Variants in HPS6 observed in about 807,000 individuals in gnomAD.
HPS6 encodes the protein HPS6 biogenesis of lysosomal organelles complex 2 subunit 3, also known as BLOC-2 complex member HPS6.
HPS6 carries 46 observed loss-of-function variants against 53.6 expected under a neutral mutation model. That is an observed-to-expected ratio of 0.86 (90% CI 0.68 to 1.10). The LOEUF is 1.10. HPS6 is among the 50% of genes least tolerant of loss of function. The pLI is 0.00. For synonymous variants in HPS6, 535 were observed against 470.8 expected, an observed-to-expected ratio of 1.14 and a Z score of -1.77; for missense variants, 1,034 against 991.3, an observed-to-expected ratio of 1.04 and a Z score of -0.58.
In HPS6 at chr10:102,066,101, G is replaced by T; in HGVS notation, c.627G>T (p.Trp209Cys). 6.2e-7 allele frequency: 1 copy of T among 1,613,432 alleles called. No homozygotes were observed. Residue 209 changes from tryptophan to cysteine, a missense_variant, in exon 1 of 1, where the codon TGG (tryptophan) becomes TGT (cysteine). Physicochemically the swap from Trp to Cys is radical, Grantham distance 215. Coordinates refer to ENST00000299238, the MANE Select transcript of HPS6 (RefSeq NM_024747.6). ...QLFLVPTATT[W>C]PGVAHVLLIW... is the part of the protein sequence containing the mutation. Reference sequence around the variant, plus strand: ...TCCTGGTGCCCACTGCCACCACCTGGCCTGGCGTGGCCCACGTTCTACTCA... The same window carrying T: ...TCCTGGTGCCCACTGCCACCACCTGTCCTGGCGTGGCCCACGTTCTACTCA...
chr10:102,067,059 C>T lies in HPS6; in HGVS notation c.1585C>T (p.Leu529=), dbSNP rs966933951. Reference sequence around the variant, plus strand: ...CACCCTCAGGGCCCTGCAGCTCCAGCTAGATGGGAATGGCAAGCTGAGGTC... The same window carrying T: ...CACCCTCAGGGCCCTGCAGCTCCAGTTAGATGGGAATGGCAAGCTGAGGTC... The part of the protein sequence containing the change: ...GATLRALQLQ[L]DGNGKLRSQA... Residue 529 remains leucine (L), a synonymous_variant, in exon 1 of 1, where the codon CTA becomes TTA. Coordinates refer to ENST00000299238, the MANE Select transcript of HPS6 (RefSeq NM_024747.6). The T allele has an allele frequency of 6.2e-7, 1 of 1,614,094 alleles. No individual in the cohort carries two copies. Among genetic ancestry groups the T allele is most frequent in the African/African-American group, 1.3e-5 (1 of 74,936 alleles).
Position 102,067,164 on chromosome 10 carries a change from C to G in HPS6, c.1690C>G (p.Pro564Ala). Residue 564 changes from proline (P) to alanine (A), a missense_variant, in exon 1 of 1, where the codon CCC (proline) becomes GCC (alanine). Physicochemically the swap from Pro to Ala is conservative, Grantham distance 27. Coordinates refer to ENST00000299238, the MANE Select transcript of HPS6 (RefSeq NM_024747.6). Reference sequence around the variant, plus strand: ...GGAACCCCCCAATGGAATACTGCCCCCCTTTGAACTCCTGTGCCAGTGTCT... The same window carrying G: ...GGAACCCCCCAATGGAATACTGCCCGCCTTTGAACTCCTGTGCCAGTGTCT... The part of the protein sequence containing the change: ...GKEPPNGILP[P>A]FELLCQCLCQ... The G allele has an allele frequency of 6.2e-7, 1 of 1,613,648 alleles. No homozygotes were observed. The highest frequency in any genetic ancestry group is 2.2e-5 in the East Asian group (1 of 44,882).
Position 102,066,001 on chromosome 10 carries a change from C to G in HPS6, c.527C>G (p.Thr176Ser). 6.2e-7 allele frequency: 1 copy of G among 1,602,782 alleles called. No homozygotes were observed. Among genetic ancestry groups the G allele is most frequent in the Non-Finnish European group, 8.5e-7 (1 of 1,179,854 alleles). The change falls in exon 1 of 1, where the codon ACC becomes AGC. Residue 176 changes from threonine to serine, a missense_variant. Physicochemically the swap from Thr to Ser is moderately conservative, Grantham distance 58. Coordinates refer to ENST00000299238, the MANE Select transcript of HPS6 (RefSeq NM_024747.6). ...RTLEPSGEAS[T>S]SLGRTHVLLH... is the part of the protein sequence containing the mutation. ...CTGGAGCCCAGCGGGGAAGCTAGCA[C>G]CAGCCTGGGCCGCACACACGTCCTG...
rs757832051 is a variant in HPS6, at chr10:102,065,485, C to G, written c.11C>G (p.Ser4Trp). The change falls in exon 1 of 1, where the codon TCG becomes TGG. Residue 4 changes from serine to tryptophan, a missense_variant. Physicochemically the swap from Ser to Trp is radical, Grantham distance 177. Transcript: ENST00000299238. ...CCGCGCAGCGGCGCCATGAAGCGCT[C>G]GGGGACTCTGCGGCTGCTCTCGGAC... The part of the protein sequence containing the change: MKR[S>W]GTLRLLSDLS... 3.2e-6 allele frequency: 5 copies of G among 1,559,668 alleles called. No individual in the cohort carries two copies. Among genetic ancestry groups the G allele is most frequent in the East Asian group, 4.8e-5 (2 of 41,332 alleles).
rs2067975105 is a variant in HPS6 at position 102,066,854 on chromosome 10, G to A, written c.1380G>A (p.Arg460=). ...ALLTMLRTEL[R]DYRGLEQLKA... The stretch of plus-strand genomic sequence containing the variant: ...TGACCATGTTGAGGACCGAGCTTCG[G>A]GATTACCGAGGCTTAGAACAGCTGA... Residue 460 remains arginine, a synonymous_variant, in exon 1 of 1, where the codon CGG becomes CGA. Coordinates refer to ENST00000299238, the MANE Select transcript of HPS6 (RefSeq NM_024747.6). 2.5e-6 allele frequency: 4 copies of A among 1,614,194 alleles called. No homozygotes were observed. Among genetic ancestry groups the A allele is most frequent in the African/African-American group, 1.3e-5 (1 of 75,056 alleles).
At position 102,067,161 on chromosome 10, in the gene HPS6, C is replaced by T. The variant is rs867765900; in HGVS notation, c.1687C>T (p.Pro563Ser). 1.9e-6 allele frequency: 3 copies of T among 1,613,588 alleles called. No individual in the cohort carries two copies. The African/African-American group carries it at 4.0e-5, about 22-fold the overall frequency. ...AAAGGAACCCCCCAATGGAATACTG[C>T]CCCCCTTTGAACTCCTGTGCCAGTG... ...AGKEPPNGILPPFELLCQCLC... is the reference protein window; with the variant it reads ...AGKEPPNGILSPFELLCQCLC... Residue 563 changes from proline (P) to serine (S), a missense_variant, in exon 1 of 1, where the codon CCC becomes TCC. By Grantham distance (74) the Pro-to-Ser change is moderately conservative. Coordinates refer to ENST00000299238, the MANE Select transcript of HPS6 (RefSeq NM_024747.6).
Position 102,066,182 on chromosome 10 carries a change from C to T in HPS6, c.708C>T (p.Ser236=). The change falls in exon 1 of 1, where the codon TCC becomes TCT. Residue 236 remains serine, a synonymous_variant. Transcript: ENST00000299238. ...VMVAAPRLGL[S]YSKSLNPGRG... ...TGGCTGCCCCACGGCTTGGTCTCTC[C>T]TACAGTAAGAGTCTGAATCCTGGAC... The T allele has an allele frequency of 3.7e-6, 6 of 1,613,774 alleles. No individual in the cohort carries two copies. The highest frequency in any genetic ancestry group is 4.2e-6 in the Non-Finnish European group (5 of 1,180,034).
At position 102,065,370 on chromosome 10, in the gene HPS6, G is replaced by A. The variant is rs931546537; in HGVS notation, c.-105G>A. ...CGGCCTCTGCTCACCTCATCCACGGGAGACGGAAGTCTTGGCCCTGCTCCG... is the reference window on the plus strand; with the variant it reads ...CGGCCTCTGCTCACCTCATCCACGGAAGACGGAAGTCTTGGCCCTGCTCCG... On this transcript the variant is annotated 5_prime_UTR_variant, in exon 1 of 1. Coordinates refer to ENST00000299238, the MANE Select transcript of HPS6 (RefSeq NM_024747.6). 4.1e-6 allele frequency: 5 copies of A among 1,210,374 alleles called. No homozygotes were observed. The African/African-American group carries it at 8.1e-5, about 20-fold the overall frequency. 75.0% of individuals were successfully genotyped at this position (1,210,374 alleles called of 1,614,324 possible).
Position 102,065,403 on chromosome 10 carries a change from G to T in HPS6, c.-72G>T. On this transcript the variant is annotated 5_prime_UTR_variant, in exon 1 of 1. Transcript: ENST00000299238. ...AGTCTTGGCCCTGCTCCGCTCCCCC[G>T]AGAATCGGGCCTCGCCCTGCTGGGC... is the stretch of plus-strand genomic sequence containing the variant. 1 of 1,455,752 alleles carries T rather than the reference G, an allele frequency of 6.9e-7. No homozygotes were observed. Among genetic ancestry groups the T allele is most frequent in the South Asian group, 1.3e-5 (1 of 78,552 alleles). The allele number at this position is 1,455,752 out of a possible 1,614,324, so 90.2% of individuals were successfully genotyped here. A position where few individuals can be genotyped will look rare whatever the true frequency, so the allele number is the denominator to read the frequency against.
Position 102,066,450 on chromosome 10 carries a change from T to A in HPS6, c.976T>A (p.Cys326Ser), listed in dbSNP as rs934490591. ...ALGTFQGTLA[C>S]VLGSTLELLD... ...AGGCACATTTCAGGGCACTCTGGCCTGTGTGCTGGGCTCCACATTGGAACT... is the reference window on the plus strand; with the variant it reads ...AGGCACATTTCAGGGCACTCTGGCCAGTGTGCTGGGCTCCACATTGGAACT... Residue 326 changes from cysteine to serine, a missense_variant, in exon 1 of 1, where the codon TGT becomes AGT. Coordinates refer to ENST00000299238, the MANE Select transcript of HPS6 (RefSeq NM_024747.6). 3 of 1,614,074 alleles carry A rather than the reference T, an allele frequency of 1.9e-6. No individual in the cohort carries two copies. The South Asian group carries it at 3.3e-5, about 18-fold the overall frequency.
At position 102,067,561 on chromosome 10, in the gene HPS6, C is replaced by T; in HGVS notation, c.2087C>T (p.Pro696Leu). 1 of 1,613,776 alleles carries T rather than the reference C, an allele frequency of 6.2e-7. No individual in the cohort carries two copies. The highest frequency in any genetic ancestry group is 8.5e-7 in the Non-Finnish European group (1 of 1,180,038). The change falls in exon 1 of 1, where the codon CCA becomes CTA. Residue 696 changes from proline (P) to leucine (L), a missense_variant. Coordinates refer to ENST00000299238, the MANE Select transcript of HPS6 (RefSeq NM_024747.6). ...AHLPLLCRLC[P>L]PELAPAELLL... ...CTCCCCCTCCTTTGCCGCCTGTGCC[C>T]ACCAGAACTGGCTCCAGCTGAGCTC...
rs762208915 is a variant in HPS6, at chr10:102,065,520, T to C, written c.46T>C (p.Phe16Leu). Residue 16 changes from phenylalanine to leucine, a missense_variant, in exon 1 of 1, where the codon TTC (phenylalanine) becomes CTC (leucine). Physicochemically the swap from Phe to Leu is conservative, Grantham distance 22. Coordinates refer to ENST00000299238, the MANE Select transcript of HPS6 (RefSeq NM_024747.6). ...GCGGCTGCTCTCGGACCTGAGCGCC[T>C]TCGGCGGCGCGGCGCGGCTCCGGGA... is the stretch of plus-strand genomic sequence containing the variant. ...TLRLLSDLSA[F>L]GGAARLRELV... The C allele has an allele frequency of 1.3e-6, 2 of 1,554,078 alleles. No individual in the cohort carries two copies. The highest frequency in any genetic ancestry group is 2.8e-5 in the African/African-American group (2 of 70,944).
At position 102,066,003 on chromosome 10, in the gene HPS6, A is replaced by G. The variant is rs570427217; in HGVS notation, c.529A>G (p.Ser177Gly). The G allele has an allele frequency of 1.9e-6, 3 of 1,603,172 alleles. No homozygotes were observed. The Admixed American group carries it at 5.0e-5, about 27-fold the overall frequency. The change falls in exon 1 of 1, where the codon AGC (serine) becomes GGC (glycine). Residue 177 changes from serine (S) to glycine (G), a missense_variant. Coordinates refer to ENST00000299238, the MANE Select transcript of HPS6 (RefSeq NM_024747.6). ...TLEPSGEAST[S>G]LGRTHVLLHH... ...GGAGCCCAGCGGGGAAGCTAGCACCAGCCTGGGCCGCACACACGTCCTGCT... is the reference window on the plus strand; with the variant it reads ...GGAGCCCAGCGGGGAAGCTAGCACCGGCCTGGGCCGCACACACGTCCTGCT...
In HPS6 at chr10:102,067,349, G is replaced by A. The variant is rs2067979658; in HGVS notation, c.1875G>A (p.Glu625=). 1 of 1,613,176 alleles carries A rather than the reference G, an allele frequency of 6.2e-7. No homozygotes were observed. The highest frequency in any genetic ancestry group is 8.5e-7 in the Non-Finnish European group (1 of 1,179,934). The change falls in exon 1 of 1, where the codon GAG becomes GAA. Residue 625 remains glutamate, a synonymous_variant. Coordinates refer to ENST00000299238, the MANE Select transcript of HPS6 (RefSeq NM_024747.6). ...CCAGGCCTGAGGCTCTGGAGCTAGA[G>A]CTGCTCTTGAGCAGTGGGCGGCCTA... ...EGTRPEALEL[E]LLLSSGRPKA...
In HPS6 at chr10:102,065,693, C is replaced by T. The variant is rs745869412; in HGVS notation, c.219C>T (p.Ala73=). 49 of 1,515,850 alleles carry T rather than the reference C, an allele frequency of 3.2e-5. No individual in the cohort carries two copies. Among genetic ancestry groups the T allele is most frequent in the Non-Finnish European group, 4.2e-5 (48 of 1,141,026 alleles). 93.9% of individuals were successfully genotyped at this position (1,515,850 alleles called of 1,614,324 possible). ...CGGAGCTAGAGCGGGCCTGGCCGGC[C>T]GGCCAGCCCTCCCCGCTGGACGCCT... The part of the protein sequence containing the change: ...PGAELERAWP[A]GQPSPLDAFF... The change falls in exon 1 of 1, where the codon GCC becomes GCT. Residue 73 remains alanine (A), a synonymous_variant. Coordinates refer to ENST00000299238, the MANE Select transcript of HPS6 (RefSeq NM_024747.6).
In HPS6 at chr10:102,065,708, G is replaced by A. The variant is rs2067963089; in HGVS notation, c.234G>A (p.Pro78=). 7 of 1,509,218 alleles carry A rather than the reference G, an allele frequency of 4.6e-6. No homozygotes were observed. The highest frequency in any genetic ancestry group is 1.4e-5 in the African/African-American group (1 of 69,530). 93.5% of individuals were successfully genotyped at this position (1,509,218 alleles called of 1,614,324 possible). A position where few individuals can be genotyped will look rare whatever the true frequency, so the allele number is the denominator to read the frequency against. ...ERAWPAGQPS[P]LDAFFLPWPA... ...CCTGGCCGGCCGGCCAGCCCTCCCC[G>A]CTGGACGCCTTCTTCCTGCCGTGGC... The change falls in exon 1 of 1, where the codon CCG becomes CCA. Residue 78 remains proline (P), a synonymous_variant. Transcript: ENST00000299238.
chr10:102,065,969 C>A lies in HPS6; in HGVS notation c.495C>A (p.Val165=). Residue 165 remains valine (V), a synonymous_variant, in exon 1 of 1, where the codon GTC becomes GTA. Coordinates refer to ENST00000299238, the MANE Select transcript of HPS6 (RefSeq NM_024747.6). The stretch of plus-strand genomic sequence containing the variant: ...CCGCTTTCAGCCACTGTGTGTGCGT[C>A]CGGACTCTGGAGCCCAGCGGGGAAG... ...PAAAFSHCVC[V]RTLEPSGEAS... The A allele has an allele frequency of 7.5e-6, 12 of 1,597,440 alleles. No individual in the cohort carries two copies. Among genetic ancestry groups the A allele is most frequent in the Non-Finnish European group, 8.5e-6 (10 of 1,179,178 alleles).
Position 102,066,234 on chromosome 10 carries a change from C to G in HPS6, c.760C>G (p.Leu254Val). ...GRGDTWDFRT[L>V]LRGLPGLLSP... ...AGGGGACACATGGGACTTCCGGACC[C>G]TGCTCCGAGGCCTTCCTGGGTTGCT... The change falls in exon 1 of 1, where the codon CTG (leucine) becomes GTG (valine). Residue 254 changes from leucine to valine, a missense_variant. Transcript: ENST00000299238. 6.2e-7 allele frequency: 1 copy of G among 1,613,874 alleles called. No individual in the cohort carries two copies. The highest frequency in any genetic ancestry group is 8.5e-7 in the Non-Finnish European group (1 of 1,180,010).
rs1171972798 is a variant in HPS6, at chr10:102,065,364, C to T, written c.-111C>T. Reference sequence around the variant, plus strand: ...TCGGCCCGGCCTCTGCTCACCTCATCCACGGGAGACGGAAGTCTTGGCCCT... The same window carrying T: ...TCGGCCCGGCCTCTGCTCACCTCATTCACGGGAGACGGAAGTCTTGGCCCT... On this transcript the variant is annotated 5_prime_UTR_variant, in exon 1 of 1. Transcript: ENST00000299238. The T allele has an allele frequency of 6.0e-6, 7 of 1,166,354 alleles. No homozygotes were observed. Among genetic ancestry groups the T allele is most frequent in the African/African-American group, 4.9e-5 (3 of 60,768 alleles). The allele number at this position is 1,166,354 out of a possible 1,614,324, so 72.3% of individuals were successfully genotyped here.
Sources: gnomAD v4.1 joint callset for allele counts on GRCh38, gnomAD v4.1.1 for gene constraint, MANE v1.5 for transcripts, NCBI Gene and HGNC (gene_info 2026-07-23, HGNC 2026-07-21) for gene names.